Variants in UNC13C observed in about 807,000 individuals in gnomAD.
UNC13C encodes unc-13 homolog C, also known as protein unc-13 homolog C.
UNC13C carries 174 observed loss-of-function variants against 245.4 expected under a neutral mutation model. That is an observed-to-expected ratio of 0.71 (90% CI 0.63 to 0.80). The LOEUF is 0.80. UNC13C is among the 30% of genes least tolerant of loss of function. The pLI, the probability that UNC13C is intolerant of heterozygous loss-of-function variation, is 0.00. For synonymous variants in UNC13C, 992 were observed against 895.1 expected (o/e 1.11, Z -1.93); for missense variants, 2,829 against 2,602.9 (o/e 1.09, Z -1.89).
chr15:54,108,762 T>C (rs145015011), intron 2 of UNC13C, among the ~76,000 whole-genome samples: 10 of 152,256 alleles, frequency 6.6e-5, no homozygotes, highest in African/African-American at 2.4e-4. Context: ...ATAGGGGAGA[T>C]AAAAAGAGGT....
intron 2 of UNC13C, chr15:54,050,300 C>A (rs1897222266): frequency 6.8e-6 from 4 of 586,402 alleles, no homozygotes; most frequent in South Asian, 5.4e-5. Context: ...TAGCTGCTTG[C>A]CTGCTGTATA....
chr15:54,338,328 G>C (rs1289360938), intron 16 of UNC13C, 33 bp from the exon 17 acceptor site: 2 of 1,598,806 alleles, frequency 1.3e-6, no homozygotes, highest in South Asian at 2.2e-5. Flanking sequence ...TGTCACTGTT[G>C]CATTTGAGAA....
In UNC13C at chr15:54,566,553, T is replaced by TA. The variant is rs569249536; in HGVS notation, c.5959-1246dup. Among the ~76,000 whole-genome samples the TA allele has an allele frequency of 1.6e-4, 24 of 152,186 alleles. No homozygotes were observed. In the East Asian group the frequency reaches 3.5e-3, roughly 22 times the overall value. ...CAGTAAATGGAATTTCAAAGGACCA[T>TA]AGGTTTCTTTCTGCCTGGGGAGGGT... is the stretch of plus-strand genomic sequence containing the variant. On this transcript the variant is annotated intron_variant, in intron 29 of 32. Coordinates refer to ENST00000260323, the MANE Select transcript of UNC13C (RefSeq NM_001080534.3).
At chr15:54,203,060 A>G (rs915569279) in intron 4 of UNC13C, among the ~76,000 whole-genome samples, 5 of 152,030 alleles carry the variant, frequency 3.3e-5, no homozygotes, top group African/African-American at 1.2e-4. Flanking sequence ...AAAAAGGCCA[A>G]CAAGCATATG....
chr15:54,623,758 A>G (rs1356287122), intron 31 of UNC13C, 37 bp from the exon 32 acceptor site: 6 of 1,579,548 alleles, frequency 3.8e-6, no homozygotes, highest in Non-Finnish European at 5.2e-6. Flanking sequence ...ATTTCCACAC[A>G]TCTGTTTGCT....
chr15:54,389,188 A>G (rs930584714), intron 17 of UNC13C, among the ~76,000 whole-genome samples: 1 of 152,222 alleles, frequency 6.6e-6, no homozygotes, highest in Admixed American at 6.5e-5. Flanking sequence ...AAAGTCTGGC[A>G]CGATGAGATG....
At chr15:54,347,699 T>C (rs2038889006) in intron 17 of UNC13C, among the ~76,000 whole-genome samples, 1 of 152,176 alleles carries the variant, frequency 6.6e-6, no homozygotes, top group Non-Finnish European at 1.5e-5. Flanking sequence ...GAAAATGTGC[T>C]ACCTACAAGT....
chr15:54,553,640 G>A (rs1896968779), intron 28 of UNC13C, among the ~76,000 whole-genome samples: 1 of 150,810 alleles, frequency 6.6e-6, no homozygotes, highest in South Asian at 2.1e-4. Flanking sequence ...ATACACCTGA[G>A]ACTCTGAGTT....
intron 26 of UNC13C, among the ~76,000 whole-genome samples, chr15:54,538,843 T>C (rs1896115838): frequency 6.6e-6 from 1 of 151,926 alleles, no homozygotes; most frequent in Admixed American, 6.6e-5. Flanking sequence ...TAGAGCCTAC[T>C]TAAGAGTGGA....
At chr15:54,348,418 A>G (rs1352937318) in intron 17 of UNC13C, among the ~76,000 whole-genome samples, 2 of 152,084 alleles carry the variant, frequency 1.3e-5, no homozygotes, top group Non-Finnish European at 2.9e-5. Context: ...GAAAACAGAA[A>G]CTCTATTTAT....
intron 8 of UNC13C, among the ~76,000 whole-genome samples, chr15:54,254,968 T>C (rs1488828496): frequency 6.6e-6 from 1 of 152,146 alleles, no homozygotes; most frequent in African/African-American, 2.4e-5. Flanking sequence ...TCCTCAATGC[T>C]CCTGAAATAG....
chr15:53,874,676 A>G, the UNC13C span, among the ~76,000 whole-genome samples: 2 of 152,192 alleles, frequency 1.3e-5, no homozygotes, highest in Non-Finnish European at 2.9e-5. Flanking sequence ...TACATAGCTC[A>G]ATACCTACTT....
At chr15:54,082,787 G>A (rs1899024795) in intron 2 of UNC13C, among the ~76,000 whole-genome samples, 1 of 152,132 alleles carries the variant, frequency 6.6e-6, no homozygotes, top group South Asian at 2.1e-4. Flanking sequence ...TATGGTATAT[G>A]TTGTGTATAA....
chr15:54,115,508 G>A (rs1349655735), intron 2 of UNC13C, among the ~76,000 whole-genome samples: 1 of 151,780 alleles, frequency 6.6e-6, no homozygotes, highest in African/African-American at 2.4e-5. Context: ...TTTTAAAATT[G>A]ATACATAATC....
chr15:54,234,500 A>G (rs767203673), intron 4 of UNC13C, among the ~76,000 whole-genome samples: 4 of 152,224 alleles, frequency 2.6e-5, no homozygotes, highest in South Asian at 2.1e-4. Context: ...ATTTACCTGT[A>G]GGATGAATTC....
Position 54,045,560 on chromosome 15 carries a change from G to A in UNC13C, c.2983+29674G>A, listed in dbSNP as rs558730470. On this transcript the variant is annotated intron_variant, in intron 2 of 32. Coordinates refer to ENST00000260323, the MANE Select transcript of UNC13C (RefSeq NM_001080534.3). ...TGGGGCCTCTGACCAGTGGGAGGTCGCAGTACTTTTTCCTGCCACTCTAGA... is the reference window on the plus strand; with the variant it reads ...TGGGGCCTCTGACCAGTGGGAGGTCACAGTACTTTTTCCTGCCACTCTAGA... Among the ~76,000 whole-genome samples, 208 of 152,180 alleles carry A rather than the reference G, an allele frequency of 1.4e-3. 2 individuals are homozygous for A. The highest frequency in any genetic ancestry group is 4.7e-3 in the African/African-American group (195 of 41,532).
intron 19 of UNC13C, among the ~76,000 whole-genome samples, chr15:54,483,559 G>C (rs750868228): frequency 6.6e-6 from 1 of 152,018 alleles, no homozygotes; most frequent in African/African-American, 2.4e-5. Flanking sequence ...GCAGTGGCGC[G>C]ATCTCAGCTC....
At chr15:54,097,551 C>T (rs915673282) in intron 2 of UNC13C, among the ~76,000 whole-genome samples, 1 of 151,960 alleles carries the variant, frequency 6.6e-6, no homozygotes, top group Non-Finnish European at 1.5e-5. Context: ...AATCTGGGCC[C>T]CAAGTGAAAT....
intron 26 of UNC13C, among the ~76,000 whole-genome samples, chr15:54,546,052 A>T (rs1410710923): frequency 1.3e-5 from 2 of 152,200 alleles, no homozygotes; most frequent in African/African-American, 4.8e-5. Context: ...TGACAATATC[A>T]AAACTTGGAA....
Sources: gnomAD v4.1 joint callset for allele counts (sites outside exome capture counted in the v4.1 genomes callset) on GRCh38, gnomAD v4.1.1 for gene constraint, MANE v1.5 for transcripts, NCBI Gene and HGNC (gene_info 2026-07-23, HGNC 2026-07-21) for gene names.